MAGI1: variants seen among roughly 807,000 people sequenced by gnomAD.
MAGI1 encodes the protein membrane-associated guanylate kinase, WW and PDZ domain-containing protein 1.
A neutral mutation model predicts 139.9 loss-of-function variants in MAGI1; 58 were observed. That is an observed-to-expected ratio of 0.41 (90% CI 0.34 to 0.52). MAGI1 has a LOEUF of 0.52. Ranked by LOEUF, MAGI1 falls within the 20% of genes least tolerant of loss-of-function variation. MAGI1 has a pLI of 0.12. For synonymous variants in MAGI1, 812 were observed against 737.9 expected (o/e 1.10, Z -1.63); for missense variants, 1,874 against 1,901.6 (o/e 0.99, Z 0.27).
chr3:65,446,500 T>A (rs1374285587), intron 7 of MAGI1, among the ~76,000 whole-genome samples: 1 of 152,340 alleles, frequency 6.6e-6, no homozygotes, highest in South Asian at 2.1e-4. Context: ...ACTTCTTTCC[T>A]GAAAATTTCA....
intron 2 of MAGI1, among the ~76,000 whole-genome samples, chr3:65,556,240 G>T (rs1385242850): frequency 6.6e-6 from 1 of 152,198 alleles, no homozygotes; most frequent in African/African-American, 2.4e-5. Context: ...AGAAATCTCT[G>T]ATGTACTTTT....
At chr3:65,992,121 T>C (rs1185722782) in intron 1 of MAGI1, among the ~76,000 whole-genome samples, 1 of 152,204 alleles carries the variant, frequency 6.6e-6, no homozygotes, top group African/African-American at 2.4e-5. Flanking sequence ...AGTCGGAGTT[T>C]GGTCATGGGT....
chr3:65,959,798 C>CTCTT (rs1466528000), intron 1 of MAGI1, among the ~76,000 whole-genome samples: 25 of 60,272 alleles, frequency 4.1e-4, no homozygotes, highest in Non-Finnish European at 5.2e-4. Context: ...TAAATTCTCT[C>CTCTT]TTTTTTTTTT....
intron 12 of MAGI1, among the ~76,000 whole-genome samples, chr3:65,422,987 C>G (rs1946738833): frequency 1.3e-5 from 2 of 152,256 alleles, no homozygotes; most frequent in South Asian, 2.1e-4. Flanking sequence ...GGAGGAAGCA[C>G]TGAGACCTGT....
intron 13 of MAGI1, among the ~76,000 whole-genome samples, chr3:65,397,433 T>G (rs773174609): frequency 3.3e-5 from 5 of 152,130 alleles, no homozygotes; most frequent in African/African-American, 4.8e-5. Context: ...ATGTCTGCTC[T>G]AAAGAGGCTG....
intron 1 of MAGI1, among the ~76,000 whole-genome samples, chr3:65,813,159 C>A (rs528045267): frequency 6.6e-6 from 1 of 152,086 alleles, no homozygotes; most frequent in East Asian, 1.9e-4. Context: ...GAGAGGTGAA[C>A]ATGGCATTTG....
rs549676871 is a variant in MAGI1, at chr3:65,951,964, A to C, written c.313+86032T>G. Among the ~76,000 whole-genome samples, 3 of 152,346 alleles carry C rather than the reference A, an allele frequency of 2.0e-5. 1 individual carries two copies. The South Asian group carries it at 6.2e-4, about 32-fold the overall frequency. On this transcript the variant is annotated intron_variant, in intron 1 of 22. Transcript: ENST00000402939. ...TGAATCTATTAGCTACTGTAGTGAT[A>C]AGAGTAAATGAGATTGCAATGTGAT...
chr3:65,946,273 A>G lies in MAGI1; in HGVS notation c.313+91723T>C, dbSNP rs532274901. On this transcript the variant is annotated intron_variant, in intron 1 of 22. Coordinates refer to ENST00000402939, the MANE Select transcript of MAGI1 (RefSeq NM_001033057.2). ...TGTGTTACTTCAACTCACAAGAAAC[A>G]CAAGTTAAAGAACTTTCGGGAACTA... Among the ~76,000 whole-genome samples, 4 of 152,366 alleles carry G rather than the reference A, an allele frequency of 2.6e-5. No individual in the cohort carries two copies. In the South Asian group the frequency reaches 8.3e-4, roughly 32 times the overall value.
rs539431908 is a variant in MAGI1 at position 65,721,815 on chromosome 3, T to C, written c.314-99727A>G. Among the ~76,000 whole-genome samples the C allele has an allele frequency of 1.2e-4, 18 of 150,472 alleles. No homozygotes were observed. In the South Asian group the frequency reaches 3.8e-3, roughly 31 times the overall value. On this transcript the variant is annotated intron_variant, in intron 1 of 22. Coordinates refer to ENST00000402939, the MANE Select transcript of MAGI1 (RefSeq NM_001033057.2). ...GGTTTCCTTAAAATGGCTGTTTCTG[T>C]TTGTATGTTTTGTTTTGTTTTTTGT...
At chr3:65,702,658 G>T (rs1390400853) in intron 1 of MAGI1, among the ~76,000 whole-genome samples, 2 of 152,044 alleles carry the variant, frequency 1.3e-5, no homozygotes, top group African/African-American at 4.8e-5. Context: ...TCTCTGAGAG[G>T]CCTTCCTTAG....
intron 1 of MAGI1, among the ~76,000 whole-genome samples, chr3:65,851,458 C>G (rs1053480664): frequency 1.3e-4 from 20 of 151,970 alleles, no homozygotes; most frequent in South Asian, 4.1e-4. Flanking sequence ...AAAAAAAAAT[C>G]TGTTAGGTTG....
At chr3:65,850,625 T>A (rs897884676) in intron 1 of MAGI1, among the ~76,000 whole-genome samples, 1 of 152,204 alleles carries the variant, frequency 6.6e-6, no homozygotes, top group East Asian at 1.9e-4. Context: ...AAAGTAATGT[T>A]GGGCTTTTTG....
chr3:65,653,812 A>G (rs1362534450), intron 1 of MAGI1, among the ~76,000 whole-genome samples: 1 of 152,186 alleles, frequency 6.6e-6, no homozygotes, highest in Admixed American at 6.5e-5. Context: ...TTCTTTTTAT[A>G]AAGAGTTTTT....
intron 12 of MAGI1, among the ~76,000 whole-genome samples, chr3:65,415,131 C>T (rs948194140): frequency 2.0e-5 from 3 of 152,028 alleles, no homozygotes; most frequent in East Asian, 1.9e-4. Flanking sequence ...TGGTTTTTCT[C>T]ATTATTGTTT....
In MAGI1 at chr3:65,924,046, TG is replaced by T. The variant is rs376691132; in HGVS notation, c.313+113949del. On this transcript the variant is annotated intron_variant, in intron 1 of 22. Transcript: ENST00000402939. ...ATTTATCCAACATTATTTCATCTCT[TG>T]GGTAATACTAAAATAATTCAAGGAG... 5.9e-3 allele frequency among the ~76,000 whole-genome samples: 898 copies of T among 152,326 alleles called. 4 individuals are homozygous for T. The highest frequency in any genetic ancestry group is 0.02 in the African/African-American group (849 of 41,572).
intron 22 of MAGI1, 71 bp downstream of exon 22, chr3:65,361,128 G>C: frequency 1.2e-6 from 2 of 1,613,530 alleles, no homozygotes; most frequent in Non-Finnish European, 1.7e-6. Context: ...AGACTTTCCT[G>C]CTGCCGTTCT....
intron 1 of MAGI1, among the ~76,000 whole-genome samples, chr3:65,850,390 T>G (rs2059160896): frequency 6.6e-6 from 1 of 152,172 alleles, no homozygotes; most frequent in South Asian, 2.1e-4. Flanking sequence ...CTGAAAGTCT[T>G]GCATCCCAGG....
intron 1 of MAGI1, among the ~76,000 whole-genome samples, chr3:65,689,620 G>C (rs915946113): frequency 2.0e-5 from 3 of 152,136 alleles, no homozygotes; most frequent in African/African-American, 7.2e-5. Context: ...GAAAACTCCT[G>C]GGCTGGTTAC....
chr3:65,456,593 G>A (rs1949405429), intron 5 of MAGI1, among the ~76,000 whole-genome samples: 1 of 151,848 alleles, frequency 6.6e-6, no homozygotes, highest in Non-Finnish European at 1.5e-5. Flanking sequence ...TCTTTGCCTA[G>A]CCCTGTATTT....
Sources: allele counts gnomAD v4.1 joint callset (sites outside exome capture counted in the v4.1 genomes callset), GRCh38; gene constraint gnomAD v4.1.1; transcripts MANE v1.5; gene names NCBI Gene and HGNC (gene_info 2026-07-23, HGNC 2026-07-21).